Variants in HIBADH observed in about 807,000 individuals in gnomAD.
The protein encoded by HIBADH is 3-hydroxyisobutyrate dehydrogenase, mitochondrial.
A neutral mutation model predicts 36.1 loss-of-function variants in HIBADH; 25 were observed. The ratio of observed to expected loss-of-function variants is 0.69; its 90% CI spans 0.50 to 0.97. The LOEUF (loss-of-function observed/expected upper bound fraction) is 0.97, where lower values mean the gene tolerates loss of function less well. Ranked by LOEUF, HIBADH falls within the 50% of genes least tolerant of loss-of-function variation. The pLI is 0.00. For missense variants in HIBADH, 421 were observed against 418.0 expected (o/e 1.01, Z -0.06); for synonymous variants, 160 against 149.5 (o/e 1.07, Z -0.51).
chr7:27,553,030 CT>C (rs1467304046), intron 4 of HIBADH, among the ~76,000 whole-genome samples: 1 of 152,142 alleles, frequency 6.6e-6, no homozygotes, highest in Non-Finnish European at 1.5e-5. Flanking sequence ...TGTGAAACAT[CT>C]TAATAAAGCT....
intron 4 of HIBADH, among the ~76,000 whole-genome samples, chr7:27,617,240 A>T (rs1005918805): frequency 2.0e-5 from 3 of 152,246 alleles, no homozygotes; most frequent in African/African-American, 7.2e-5. Context: ...CCATTGTGTT[A>T]CAACTGCCTA....
intron 2 of HIBADH, chr7:27,649,195 T>C (rs1583619593): frequency 7.7e-6 from 2 of 259,924 alleles, no homozygotes; most frequent in East Asian, 1.5e-4. Context: ...AAAGTTACTA[T>C]CTCAGAAAAC....
chr7:27,563,159 A>G (rs1312686013), intron 4 of HIBADH, among the ~76,000 whole-genome samples: 1 of 152,192 alleles, frequency 6.6e-6, no homozygotes. Flanking sequence ...GAACATAATC[A>G]TAGAATATAA....
In HIBADH at chr7:27,547,912, A is replaced by G. The variant is rs1018375122; in HGVS notation, c.485-4812T>C. 2.0e-5 allele frequency among the ~76,000 whole-genome samples: 3 copies of G among 152,164 alleles called. No homozygotes were observed. The East Asian group carries it at 5.8e-4, about 29-fold the overall frequency. ...ACTACATTAACTCTAAAAAGCCTAA[A>G]TATTTGTGGCTGCCTTTAGTGCTTT... On this transcript the variant is annotated intron_variant, in intron 4 of 7. Transcript: ENST00000265395.
At chr7:27,614,336 T>C (rs914370360) in intron 4 of HIBADH, among the ~76,000 whole-genome samples, 2 of 152,144 alleles carry the variant, frequency 1.3e-5, no homozygotes, top group African/African-American at 4.8e-5. Flanking sequence ...TAACAAAATG[T>C]AGAGGCAGTT....
At chr7:27,570,350 ATTGTTCTACTGT>A (rs367941408) in intron 4 of HIBADH, among the ~76,000 whole-genome samples, 143 of 152,228 alleles carry the variant, frequency 9.4e-4, no homozygotes, top group African/African-American at 3.2e-3. Flanking sequence ...TTTTGATGAT[ATTGTTCTACTGT>A]TTTCTGGCTT....
intron 2 of HIBADH, among the ~76,000 whole-genome samples, chr7:27,639,368 A>G (rs564569808): frequency 1.3e-5 from 2 of 152,306 alleles, no homozygotes; most frequent in Non-Finnish European, 2.9e-5. Flanking sequence ...ATTCTCACTT[A>G]TAAGTGGGAG....
rs968626264 is a variant in HIBADH at position 27,525,582 on chromosome 7, G to C, written c.*632C>G. Reference sequence around the variant, plus strand: ...TCTTAAGTCAAAAAATACGTAGTAAGAATGAACAAGAAAGAAAAAAATATA... The same window carrying C: ...TCTTAAGTCAAAAAATACGTAGTAACAATGAACAAGAAAGAAAAAAATATA... On this transcript the variant is annotated 3_prime_UTR_variant, in exon 8 of 8. Transcript: ENST00000265395. 6.6e-6 allele frequency: 1 copy of C among 152,138 alleles called. No homozygotes were observed. The highest frequency in any genetic ancestry group is 1.5e-5 in the Non-Finnish European group (1 of 68,034). 9.4% of individuals were successfully genotyped at this position (152,138 alleles called of 1,614,324 possible). A position where few individuals can be genotyped will look rare whatever the true frequency, so the allele number is the denominator to read the frequency against.
intron 4 of HIBADH, among the ~76,000 whole-genome samples, chr7:27,589,483 A>T (rs1784910158): frequency 6.6e-6 from 1 of 152,172 alleles, no homozygotes; most frequent in Non-Finnish European, 1.5e-5. Context: ...TTCAGTACAT[A>T]CTGTGGATCA....
At chr7:27,569,468 T>C (rs1029309041) in intron 4 of HIBADH, among the ~76,000 whole-genome samples, 21 of 152,304 alleles carry the variant, frequency 1.4e-4, no homozygotes, top group African/African-American at 4.6e-4. Context: ...GAATCTGTCC[T>C]AGATGTGCAT....
intron 4 of HIBADH, among the ~76,000 whole-genome samples, chr7:27,555,146 C>CTA (rs1784373214): frequency 6.6e-6 from 1 of 152,010 alleles, no homozygotes; most frequent in Non-Finnish European, 1.5e-5. Flanking sequence ...TATTTTTGGT[C>CTA]TACTTCAAGG....
chr7:27,652,564 A>G (rs1279060410), intron 1 of HIBADH, among the ~76,000 whole-genome samples: 4 of 152,246 alleles, frequency 2.6e-5, no homozygotes, highest in African/African-American at 9.6e-5. Context: ...CAAATATACC[A>G]TAATGGCTTA....
At chr7:27,650,124 T>C (rs959126168) in intron 1 of HIBADH, among the ~76,000 whole-genome samples, 3 of 152,080 alleles carry the variant, frequency 2.0e-5, no homozygotes, top group Admixed American at 2.0e-4. Context: ...TGTAATTTAC[T>C]TATAATGTGA....
chr7:27,599,479 G>A (rs551608027), intron 4 of HIBADH, among the ~76,000 whole-genome samples: 17 of 151,932 alleles, frequency 1.1e-4, no homozygotes, highest in African/African-American at 2.4e-4. Flanking sequence ...TCAGGAGATC[G>A]AGACGATCCT....
At chr7:27,544,867 C>T (rs556314146) in intron 4 of HIBADH, among the ~76,000 whole-genome samples, 160 of 152,274 alleles carry the variant, frequency 1.1e-3, no homozygotes, top group African/African-American at 3.8e-3. Flanking sequence ...CTTATTCAAA[C>T]ACATATTTTA....
intron 4 of HIBADH, among the ~76,000 whole-genome samples, chr7:27,608,224 G>T (rs941569048): frequency 1.3e-5 from 2 of 152,060 alleles, no homozygotes; most frequent in East Asian, 3.9e-4. Flanking sequence ...TATCCCTGTA[G>T]GTAACCTAAG....
intron 6 of HIBADH, among the ~76,000 whole-genome samples, chr7:27,537,280 T>C (rs1386978922): frequency 6.6e-6 from 1 of 152,150 alleles, no homozygotes; most frequent in Non-Finnish European, 1.5e-5. Flanking sequence ...CTCTTTTATC[T>C]CAATTACAAC....
chr7:27,629,204 T>C (rs1038459229), intron 4 of HIBADH, among the ~76,000 whole-genome samples, 167 bp downstream of exon 4: 12 of 152,134 alleles, frequency 7.9e-5, no homozygotes, highest in Non-Finnish European at 1.5e-4. Flanking sequence ...ATGTTAGTTA[T>C]TTAGACTTGA....
intron 4 of HIBADH, among the ~76,000 whole-genome samples, chr7:27,594,194 A>C (rs1784991255): frequency 6.9e-6 from 1 of 145,014 alleles, no homozygotes; most frequent in Non-Finnish European, 1.5e-5. Flanking sequence ...CCCCGGCTGG[A>C]GTGCAGTGGC....
Sources: gnomAD v4.1 joint callset for allele counts (sites outside exome capture counted in the v4.1 genomes callset) on GRCh38, gnomAD v4.1.1 for gene constraint, MANE v1.5 for transcripts, NCBI Gene and HGNC (gene_info 2026-07-23, HGNC 2026-07-21) for gene names.